Variants in RERE observed in about 807,000 individuals in gnomAD.
RERE encodes arginine-glutamic acid dipeptide repeats protein.
In RERE, 40 loss-of-function variants were observed where a neutral mutation model predicts 146.1. The observed-to-expected ratio is 0.27, with a 90% CI of 0.21 to 0.36. The LOEUF (loss-of-function observed/expected upper bound fraction) is 0.36, where lower values mean the gene tolerates loss of function less well. RERE is among the 10% of genes least tolerant of loss of function. The pLI, the probability that RERE is intolerant of heterozygous loss-of-function variation, is 1.00. For missense variants in RERE, 1,933 were observed against 2,138.7 expected (o/e 0.90, Z 1.90); for synonymous variants, 1,003 against 866.0 (o/e 1.16, Z -2.78).
intron 12 of RERE, among the ~76,000 whole-genome samples, chr1:8,408,547 G>A (rs1046363789): frequency 6.6e-6 from 1 of 152,036 alleles, no homozygotes; most frequent in African/African-American, 2.4e-5. Flanking sequence ...CTACTGTTTC[G>A]CACTGAAGTC....
intron 12 of RERE, among the ~76,000 whole-genome samples, chr1:8,396,465 T>C (rs530573566): frequency 2.8e-4 from 42 of 152,258 alleles, no homozygotes; most frequent in African/African-American, 9.6e-4. Flanking sequence ...GTGATGGAAT[T>C]TGGGAAGAAT....
chr1:8,582,678 G>GC (rs1467914803), intron 4 of RERE, among the ~76,000 whole-genome samples: 3 of 152,140 alleles, frequency 2.0e-5, no homozygotes, highest in Non-Finnish European at 4.4e-5. Flanking sequence ...CTGAGACTGT[G>GC]CCACTGCACT....
In RERE at chr1:8,359,783, C is replaced by T. The variant is rs368964112; in HGVS notation, c.3599G>A (p.Arg1200His). 32 of 1,600,822 alleles carry T rather than the reference C, an allele frequency of 2.0e-5. No homozygotes were observed. The East Asian group carries it at 2.2e-4, about 11-fold the overall frequency. Reference protein sequence around the residue: ...KEREREREREREAERAAKASS... With the variant: ...KEREREREREHEAERAAKASS... ...ACTCACAGCCGCCCGCTCTGCCTCGCGCTCCCGCTCTCGCTCCCGCTCCCG... is the reference window on the plus strand; with the variant it reads ...ACTCACAGCCGCCCGCTCTGCCTCGTGCTCCCGCTCTCGCTCCCGCTCCCG... Residue 1200 changes from arginine to histidine, a missense_variant, in exon 19 of 23, where the codon CGC becomes CAC. By Grantham distance (29) the Arg-to-His change is conservative. Transcript: ENST00000400908.
intron 4 of RERE, among the ~76,000 whole-genome samples, chr1:8,580,545 TG>T (rs1424638771): frequency 2.1e-4 from 32 of 152,268 alleles, no homozygotes; most frequent in Admixed American, 1.6e-3. Context: ...TAATATGCAT[TG>T]GACTTTTTTA....
At chr1:8,610,049 C>T (rs1386281956) in intron 4 of RERE, among the ~76,000 whole-genome samples, 2 of 151,372 alleles carry the variant, frequency 1.3e-5, no homozygotes, top group African/African-American at 4.9e-5. Context: ...GGATTACAGG[C>T]GTGAGCCATC....
intron 1 of RERE, among the ~76,000 whole-genome samples, chr1:8,705,877 G>A (rs183540860): frequency 6.6e-6 from 1 of 152,282 alleles, no homozygotes. Flanking sequence ...AGCACTTTGG[G>A]AGGCCGAGGT....
At chr1:8,651,205 G>A (rs1647613379) in intron 2 of RERE, among the ~76,000 whole-genome samples, 1 of 152,054 alleles carries the variant, frequency 6.6e-6, no homozygotes, top group Admixed American at 6.5e-5. Context: ...CTTGAGGCCA[G>A]GAGTTCAAGA....
chr1:8,473,361 A>T (rs1009416134), intron 10 of RERE, among the ~76,000 whole-genome samples: 1 of 152,224 alleles, frequency 6.6e-6, no homozygotes, highest in Admixed American at 6.5e-5. Flanking sequence ...GGTACCAAGC[A>T]ACTCTGCCTG....
At chr1:8,607,528 A>ATATTTCT (rs1646731792) in intron 4 of RERE, among the ~76,000 whole-genome samples, 2 of 76,966 alleles carry the variant, frequency 2.6e-5, no homozygotes, top group African/African-American at 1.0e-4. Context: ...GTTTTTATAT[A>ATATTTCT]TATTTCTTTT....
At chr1:8,537,008 G>A (rs1169468541) in intron 7 of RERE, among the ~76,000 whole-genome samples, 1 of 152,102 alleles carries the variant, frequency 6.6e-6, no homozygotes, top group Non-Finnish European at 1.5e-5. Flanking sequence ...TTAGAGACCA[G>A]CCTGGGGAAC....
intron 4 of RERE, 146 bp downstream of exon 4, chr1:8,614,415 C>T: frequency 2.6e-6 from 2 of 770,416 alleles, no homozygotes; most frequent in Non-Finnish European, 3.9e-6. Context: ...ATTTTGCTTC[C>T]TCTGTGCATG....
At chr1:8,601,076 G>T (rs1466278235) in intron 4 of RERE, among the ~76,000 whole-genome samples, 1 of 144,096 alleles carries the variant, frequency 6.9e-6, no homozygotes, top group Non-Finnish European at 1.5e-5. Context: ...TTGGAGTGCA[G>T]TGGTGTGATC....
In RERE at chr1:8,437,544, C is replaced by T. The variant is rs1644187351; in HGVS notation, c.1204-14737G>A. On this transcript the variant is annotated intron_variant, in intron 11 of 22. Transcript: ENST00000400908. The stretch of plus-strand genomic sequence containing the variant: ...AAGAGAGTCCCCCAAGGGAGGGTCC[C>T]AAGATCAGGGGCTGGTAATGGGCCC... Among the ~76,000 whole-genome samples the T allele has an allele frequency of 2.0e-5, 3 of 151,986 alleles. No individual in the cohort carries two copies. The South Asian group carries it at 6.2e-4, about 31-fold the overall frequency.
intron 12 of RERE, among the ~76,000 whole-genome samples, chr1:8,385,662 G>A (rs1642612717): frequency 6.6e-6 from 1 of 151,804 alleles, no homozygotes; most frequent in South Asian, 2.1e-4. Flanking sequence ...GCTACCCGGA[G>A]AGCTTTTATT....
chr1:8,571,984 C>T (rs368839214), intron 4 of RERE, among the ~76,000 whole-genome samples: 46 of 152,294 alleles, frequency 3.0e-4, no homozygotes, highest in African/African-American at 9.4e-4. Context: ...TTCTGCATCA[C>T]GTTCAAGCAC....
At chr1:8,493,036 G>T (rs528198048) in intron 10 of RERE, among the ~76,000 whole-genome samples, 60 of 152,308 alleles carry the variant, frequency 3.9e-4, no homozygotes, top group African/African-American at 1.4e-3. Context: ...AGTGAGCTGT[G>T]ACTGTGCCAC....
chr1:8,418,832 T>A (rs1468380333), intron 12 of RERE, among the ~76,000 whole-genome samples: 2 of 152,210 alleles, frequency 1.3e-5, no homozygotes, highest in Non-Finnish European at 2.9e-5. Flanking sequence ...AGGCATTACC[T>A]TAACATCAAA....
chr1:8,601,760 C>G (rs910950986), intron 4 of RERE, among the ~76,000 whole-genome samples: 3,834 of 151,390 alleles, frequency 0.025, 148 homozygotes, highest in African/African-American at 0.087. Flanking sequence ...CACACACACA[C>G]ACACACACAC....
intron 1 of RERE, among the ~76,000 whole-genome samples, chr1:8,801,852 G>C (rs1309617795): frequency 3.9e-5 from 6 of 152,204 alleles, no homozygotes; most frequent in African/African-American, 1.4e-4. Context: ...GCGAACCAAA[G>C]AGTCTGAGAC....
Sources: allele counts gnomAD v4.1 joint callset (sites outside exome capture counted in the v4.1 genomes callset), GRCh38; gene constraint gnomAD v4.1.1; transcripts MANE v1.5; gene names NCBI Gene and HGNC (gene_info 2026-07-23, HGNC 2026-07-21).